Variants in FOXN3 observed in about 807,000 individuals in gnomAD.
FOXN3 encodes the protein forkhead box N3, also known as forkhead box protein N3.
Under a neutral mutation model 38.4 loss-of-function variants are expected in FOXN3, and 7 were observed. That is an observed-to-expected ratio of 0.18 (90% confidence interval 0.10 to 0.34). FOXN3 has a LOEUF of 0.34. Ranked by LOEUF, FOXN3 falls within the 10% of genes least tolerant of loss-of-function variation. The probability of loss-of-function intolerance (pLI) is 1.00; values close to 1 mark genes in which losing one functional copy is unlikely to be tolerated. For missense variants in FOXN3, 456 were observed against 613.4 expected, an observed-to-expected ratio of 0.74 and a Z score of 2.71; for synonymous variants, 230 against 242.2, an observed-to-expected ratio of 0.95 and a Z score of 0.47.
chr14:89,197,658 C>A (rs1888132798), intron 4 of FOXN3, among the ~76,000 whole-genome samples: 1 of 152,292 alleles, frequency 6.6e-6, no homozygotes, highest in East Asian at 1.9e-4. Flanking sequence ...AATCCAGCTG[C>A]CTGAGGCCTG....
At chr14:89,550,687 A>G (rs912051395) in intron 1 of FOXN3, among the ~76,000 whole-genome samples, 1 of 152,226 alleles carries the variant, frequency 6.6e-6, no homozygotes, top group African/African-American at 2.4e-5. Context: ...CTCATACCAC[A>G]TCAGTCATAA....
At chr14:89,445,049 G>A (rs143735962) in intron 1 of FOXN3, among the ~76,000 whole-genome samples, 124 of 152,122 alleles carry the variant, frequency 8.2e-4, no homozygotes, top group Non-Finnish European at 1.6e-3. Context: ...TTGAGCCCAG[G>A]AGGTTGAGGC....
In FOXN3 at chr14:89,203,791, C is replaced by T. The variant is rs373254903; in HGVS notation, c.746-22985G>A. 6.6e-5 allele frequency among the ~76,000 whole-genome samples: 10 copies of T among 152,162 alleles called. No individual in the cohort carries two copies. In the East Asian group the frequency reaches 1.2e-3, roughly 18 times the overall value. On this transcript the variant is annotated intron_variant, in intron 4 of 5. Coordinates refer to ENST00000557258, the MANE Select transcript of FOXN3 (RefSeq NM_005197.4). ...TGAGACTATAATCTTCTATGGTTTTCCTCCAGCCAGTCTGACGGTCCTCAT... is the reference window on the plus strand; with the variant it reads ...TGAGACTATAATCTTCTATGGTTTTTCTCCAGCCAGTCTGACGGTCCTCAT...
At chr14:89,297,125 T>C (rs368251934) in intron 3 of FOXN3, among the ~76,000 whole-genome samples, 1 of 134,058 alleles carries the variant, frequency 7.5e-6, no homozygotes, top group African/African-American at 2.7e-5. Flanking sequence ...TTTGTAAAAC[T>C]AACAAGAGGA....
chr14:89,520,914 A>G (rs2139821024), intron 1 of FOXN3, among the ~76,000 whole-genome samples: 1 of 152,354 alleles, frequency 6.6e-6, no homozygotes, highest in Middle Eastern at 3.4e-3. Context: ...CCACCAAAAA[A>G]TCATGCACAT....
At chr14:89,306,854 T>C (rs565102703) in intron 3 of FOXN3, among the ~76,000 whole-genome samples, 1 of 152,326 alleles carries the variant, frequency 6.6e-6, no homozygotes, top group South Asian at 2.1e-4. Flanking sequence ...TATTATTTCT[T>C]GACAAGTGAA....
chr14:89,289,603 T>A (rs1252996022), intron 3 of FOXN3, among the ~76,000 whole-genome samples: 3 of 152,244 alleles, frequency 2.0e-5, no homozygotes, highest in African/African-American at 7.2e-5. Context: ...TTCAAATTTA[T>A]ACTTTTGGTT....
intron 4 of FOXN3, among the ~76,000 whole-genome samples, chr14:89,272,102 G>A (rs973839729): frequency 2.0e-5 from 3 of 152,180 alleles, no homozygotes; most frequent in Non-Finnish European, 2.9e-5. Flanking sequence ...CTGAGGTCAG[G>A]AGTTCGAGAC....
At chr14:89,501,595 A>G (rs1239968912) in intron 1 of FOXN3, among the ~76,000 whole-genome samples, 1 of 152,206 alleles carries the variant, frequency 6.6e-6, no homozygotes, top group Non-Finnish European at 1.5e-5. Context: ...CATCCATTCC[A>G]CATGCATCCA....
At chr14:89,425,090 A>C (rs1233842861) in intron 1 of FOXN3, among the ~76,000 whole-genome samples, 1 of 120,780 alleles carries the variant, frequency 8.3e-6, no homozygotes, top group Non-Finnish European at 1.6e-5. Flanking sequence ...TTTGAGACAG[A>C]GTGTCACTCT....
In FOXN3 at chr14:89,433,533, G is replaced by A. The variant is rs137887020; in HGVS notation, c.-14-21043C>T. ...ATAATACAAAAATTAGGCTGGGTGC[G>A]GTGGCTCACGCCTATAATCCGAGCA... On this transcript the variant is annotated intron_variant, in intron 1 of 6. Coordinates refer to the FOXN3 transcript ENST00000345097. Among the ~76,000 whole-genome samples the A allele has an allele frequency of 4.7e-4, 72 of 151,896 alleles. 1 individual carries two copies. The East Asian group carries it at 7.8e-3, about 17-fold the overall frequency.
At chr14:89,165,200 C>T (rs988468280) in intron 5 of FOXN3, among the ~76,000 whole-genome samples, 4 of 152,314 alleles carry the variant, frequency 2.6e-5, no homozygotes, top group South Asian at 4.1e-4. Flanking sequence ...TCCTTACAGA[C>T]AGAGCCTGGC....
At chr14:89,198,952 G>A (rs184430219) in intron 4 of FOXN3, among the ~76,000 whole-genome samples, 7 of 152,310 alleles carry the variant, frequency 4.6e-5, no homozygotes, top group African/African-American at 9.6e-5. Context: ...CCTAGGCATC[G>A]GTTAAGACAG....
At chr14:89,391,783 C>T (rs10149534) in intron 2 of FOXN3, among the ~76,000 whole-genome samples, 10,378 of 152,110 alleles carry the variant, frequency 0.068, 793 homozygotes, top group African/African-American at 0.18. Flanking sequence ...GGTGGGTGGA[C>T]TGCTTGAGCT....
rs574804656 is a variant in FOXN3 at position 89,271,607 on chromosome 14, G to C, written c.745+9343C>G. On this transcript the variant is annotated intron_variant, in intron 4 of 5. Coordinates refer to ENST00000557258, the MANE Select transcript of FOXN3 (RefSeq NM_005197.4). ...AAATATTCATTCTATTAAAGAATGG[G>C]TGGGTTCCTCTCACTGTGTTAATCT... is the stretch of plus-strand genomic sequence containing the variant. Among the ~76,000 whole-genome samples, 8 of 152,216 alleles carry C rather than the reference G, an allele frequency of 5.3e-5. No homozygotes were observed. In the East Asian group the frequency reaches 1.5e-3, roughly 29 times the overall value.
At chr14:89,394,212 C>CTTTTTT (rs35674375) in intron 2 of FOXN3, among the ~76,000 whole-genome samples, 15 of 109,610 alleles carry the variant, frequency 1.4e-4, no homozygotes, top group African/African-American at 3.6e-4. Context: ...GATCGACGTT[C>CTTTTTT]TTTTTTTTTT....
chr14:89,518,193 G>T (rs566297660), intron 1 of FOXN3, among the ~76,000 whole-genome samples: 56 of 152,250 alleles, frequency 3.7e-4, no homozygotes, highest in Admixed American at 2.2e-3. Flanking sequence ...CCCCCTGAAG[G>T]TTCCCTTATC....
intron 3 of FOXN3, among the ~76,000 whole-genome samples, chr14:89,325,309 ACCACGACCACCACCACCACCACCACCAC>A (rs1888034864): frequency 3.2e-5 from 4 of 126,402 alleles, no homozygotes; most frequent in Admixed American, 3.1e-4. Flanking sequence ...CAACACCACC[ACCACGACCACCACCACCACCACCACCAC>A]CACCACCACC....
At chr14:89,297,970 C>G (rs1158844971) in intron 3 of FOXN3, among the ~76,000 whole-genome samples, 1 of 151,692 alleles carries the variant, frequency 6.6e-6, no homozygotes, top group South Asian at 2.1e-4. Flanking sequence ...GGGTGACAGA[C>G]AGAGAACATG....
Sources: allele counts gnomAD v4.1 joint callset (sites outside exome capture counted in the v4.1 genomes callset), GRCh38; gene constraint gnomAD v4.1.1; transcripts MANE v1.5; gene names NCBI Gene and HGNC (gene_info 2026-07-23, HGNC 2026-07-21).